The following DRICH1 variants were observed in gnomAD, a reference collection of about 807,000 sequenced individuals.
The protein encoded by DRICH1 is aspartate rich 1.
Under a neutral mutation model 39.5 loss-of-function variants are expected in DRICH1, and 38 were observed. That is an observed-to-expected ratio of 0.96 (90% CI 0.74 to 1.26). The LOEUF (loss-of-function observed/expected upper bound fraction) is 1.26. DRICH1 is among the 50% of genes most tolerant of loss of function. The pLI, the probability that DRICH1 is intolerant of heterozygous loss-of-function variation, is 0.00. For synonymous variants in DRICH1, 84 were observed against 99.5 expected (o/e 0.84, Z 0.93); for missense variants, 279 against 270.4 (o/e 1.03, Z -0.22).
downstream of DRICH1, among the ~76,000 whole-genome samples, chr22:23,606,084 C>T (rs1926718184): frequency 6.6e-6 from 1 of 150,450 alleles, no homozygotes; most frequent in African/African-American, 2.4e-5. Context: ...AGTGAGACCC[C>T]ACCTCAAAAA....
At chr22:23,592,872 A>ACG in the DRICH1 span, among the ~76,000 whole-genome samples, 1 of 141,606 alleles carries the variant, frequency 7.1e-6, no homozygotes, top group African/African-American at 2.7e-5. Context: ...ACACACACAC[A>ACG]CACACACAAA....
chr22:23,613,987 A>G, intron 9 of DRICH1, 148 bp downstream of exon 9: 1 of 642,148 alleles, frequency 1.6e-6, no homozygotes, highest in Non-Finnish European at 2.7e-6. Flanking sequence ...AGTTGGGAAG[A>G]CACTCCTATG....
the DRICH1 span, among the ~76,000 whole-genome samples, chr22:23,601,303 T>C: frequency 6.6e-6 from 1 of 152,118 alleles, no homozygotes. Context: ...CTGGGATGAA[T>C]TACAACATTG....
At chr22:23,615,703 G>C (rs1437260860) in intron 8 of DRICH1, among the ~76,000 whole-genome samples, 1 of 152,196 alleles carries the variant, frequency 6.6e-6, no homozygotes, top group Non-Finnish European at 1.5e-5. Flanking sequence ...TAACCATGAT[G>C]ATGTTAAAAC....
intron 1 of DRICH1, chr22:23,631,001 C>T (rs1166461591): frequency 1.3e-5 from 2 of 152,256 alleles, no homozygotes; most frequent in East Asian, 1.9e-4. Context: ...TATGGATAAA[C>T]AGTTAATGCA....
intron 11 of DRICH1, among the ~76,000 whole-genome samples, chr22:23,609,422 A>G (rs895388031): frequency 1.3e-5 from 2 of 152,198 alleles, no homozygotes; most frequent in African/African-American, 4.8e-5. Context: ...AAGCCAGTTT[A>G]CAGCCCCTCA....
chr22:23,614,256 T>G, intron 8 of DRICH1, 42 bp from the exon 9 acceptor site: 1 of 1,425,350 alleles, frequency 7.0e-7, no homozygotes, highest in Non-Finnish European at 9.9e-7. Context: ...CGGTGGTTGG[T>G]GACTCTGAGT....
intron 4 of DRICH1, 49 bp from the exon 5 acceptor site, chr22:23,620,664 G>A (rs548539191): frequency 1.1e-5 from 17 of 1,598,296 alleles, no homozygotes; most frequent in Middle Eastern, 1.7e-4. Flanking sequence ...CAATTCTGCT[G>A]CACCCCTTAC....
At chr22:23,616,796 A>G (rs1602337337) in intron 8 of DRICH1, 57 bp downstream of exon 8, 3 of 1,605,410 alleles carry the variant, frequency 1.9e-6, no homozygotes, top group Non-Finnish European at 1.7e-6. Context: ...TAAGGTTTCC[A>G]TATATTAAAG....
At chr22:23,587,447 G>A in the DRICH1 span, among the ~76,000 whole-genome samples, 3 of 152,030 alleles carry the variant, frequency 2.0e-5, no homozygotes, top group African/African-American at 7.2e-5. Context: ...ACCAAAATTC[G>A]AAGGGAGAGA....
the DRICH1 span, among the ~76,000 whole-genome samples, chr22:23,591,933 G>A: frequency 6.6e-6 from 1 of 151,844 alleles, no homozygotes; most frequent in Admixed American, 6.6e-5. Flanking sequence ...GGCTGGGGGA[G>A]GGGTGTGGAG....
chr22:23,609,992 G>C (rs1456370792), intron 11 of DRICH1, among the ~76,000 whole-genome samples: 1 of 152,002 alleles, frequency 6.6e-6, no homozygotes, highest in African/African-American at 2.4e-5. Flanking sequence ...GCCTTCACTG[G>C]AGTGGGACAG....
At chr22:23,626,116 G>T in intron 1 of DRICH1, 68 bp from the exon 2 acceptor site, 1 of 1,048,164 alleles carries the variant, frequency 9.5e-7, no homozygotes, top group Non-Finnish European at 1.5e-6. Flanking sequence ...AGGGAGCTTT[G>T]CTGGATGCGG....
At chr22:23,628,585 A>G (rs1276804471) in intron 1 of DRICH1, among the ~76,000 whole-genome samples, 1 of 152,194 alleles carries the variant, frequency 6.6e-6, no homozygotes, top group East Asian at 1.9e-4. Flanking sequence ...ACAGACAAAC[A>G]AAAACACATT....
chr22:23,582,567 A>ATTATTAT, the DRICH1 span, among the ~76,000 whole-genome samples: 7 of 143,324 alleles, frequency 4.9e-5, no homozygotes, highest in Non-Finnish European at 7.7e-5. Context: ...TATTATTATT[A>ATTATTAT]TTATTATTAT....
the DRICH1 span, among the ~76,000 whole-genome samples, chr22:23,589,976 T>C: frequency 2.0e-5 from 3 of 152,200 alleles, no homozygotes; most frequent in East Asian, 1.9e-4. Flanking sequence ...AGTACCCTGA[T>C]AGTTTGGCTC....
At chr22:23,608,916 T>A in intron 11 of DRICH1, 148 bp from the exon 12 acceptor site, 1 of 870,250 alleles carries the variant, frequency 1.1e-6, no homozygotes, top group Non-Finnish European at 1.9e-6. Flanking sequence ...ATGCGGAAAC[T>A]CATCAGCCAG....
downstream of DRICH1, among the ~76,000 whole-genome samples, chr22:23,606,061 ATTTT>A (rs964462828): frequency 6.8e-6 from 1 of 146,732 alleles, no homozygotes; most frequent in African/African-American, 2.5e-5. Flanking sequence ...AAAAAAAAAA[ATTTT>A]TTTTTTTGAG....
chr22:23,623,376 G>C (rs542904777), intron 3 of DRICH1, among the ~76,000 whole-genome samples: 1 of 152,196 alleles, frequency 6.6e-6, no homozygotes, highest in African/African-American at 2.4e-5. Flanking sequence ...CTGCACCCCA[G>C]TATGGTGACA....
Sources: gnomAD v4.1 joint callset for allele counts (sites outside exome capture counted in the v4.1 genomes callset) on GRCh38, gnomAD v4.1.1 for gene constraint, MANE v1.5 for transcripts, NCBI Gene and HGNC (gene_info 2026-07-23, HGNC 2026-07-21) for gene names.